The following SLC24A3 variants were observed in gnomAD, a reference collection of about 807,000 sequenced individuals.
SLC24A3 encodes the protein sodium/potassium/calcium exchanger 3.
SLC24A3 carries 28 observed loss-of-function variants against 75.8 expected under a neutral mutation model. The ratio of observed to expected loss-of-function variants is 0.37; its 90% confidence interval spans 0.27 to 0.51. The LOEUF (loss-of-function observed/expected upper bound fraction) is 0.51. SLC24A3 is among the 20% of genes least tolerant of loss of function. The pLI is 0.94. For missense variants in SLC24A3, 663 were observed against 847.8 expected (o/e 0.78, Z 2.71); for synonymous variants, 372 against 334.1 (o/e 1.11, Z -1.24).
chr20:19,587,588 A>T (rs2031315892), intron 6 of SLC24A3, among the ~76,000 whole-genome samples: 1 of 152,238 alleles, frequency 6.6e-6, no homozygotes, highest in Non-Finnish European at 1.5e-5. Context: ...TTTCAAGGCC[A>T]TCCAGCTCAG....
In SLC24A3 at chr20:19,562,965, G is replaced by C. The variant is rs576712642; in HGVS notation, c.349-17035G>C. Among the ~76,000 whole-genome samples, 4 of 152,250 alleles carry C rather than the reference G, an allele frequency of 2.6e-5. No homozygotes were observed. In the South Asian group the frequency reaches 8.3e-4, roughly 32 times the overall value. On this transcript the variant is annotated intron_variant, in intron 3 of 16. Coordinates refer to ENST00000328041, the MANE Select transcript of SLC24A3 (RefSeq NM_020689.4). ...AATCTTACTATGGCTTTCAGCAGCT[G>C]GGTGCACAAAGCTAGATTGTAGGGT...
At chr20:19,698,262 G>C (rs1259272533) in intron 14 of SLC24A3, among the ~76,000 whole-genome samples, 1 of 152,160 alleles carries the variant, frequency 6.6e-6, no homozygotes, top group Non-Finnish European at 1.5e-5. Flanking sequence ...CCAACACTGG[G>C]GACTACAATC....
At chr20:19,417,262 T>C (rs1050376551) in intron 2 of SLC24A3, among the ~76,000 whole-genome samples, 1 of 152,198 alleles carries the variant, frequency 6.6e-6, no homozygotes, top group African/African-American at 2.4e-5. Context: ...TTTGCAGTAG[T>C]GTAGAAAATA....
At chr20:19,717,683 G>C in intron 16 of SLC24A3, 90 bp downstream of exon 16, 1 of 1,448,592 alleles carries the variant, frequency 6.9e-7, no homozygotes, top group East Asian at 2.3e-5. Flanking sequence ...TGGTCTCCTG[G>C]TGACTGGGTA....
chr20:19,290,262 G>A (rs771510992), intron 2 of SLC24A3, among the ~76,000 whole-genome samples: 5 of 152,124 alleles, frequency 3.3e-5, no homozygotes, highest in Middle Eastern at 3.2e-3. Context: ...TCCACCCCAG[G>A]CCAGGAAAAT....
At chr20:19,491,081 C>T (rs752423246) in intron 2 of SLC24A3, among the ~76,000 whole-genome samples, 1 of 152,304 alleles carries the variant, frequency 6.6e-6, no homozygotes, top group African/African-American at 2.4e-5. Flanking sequence ...TGGCAACAAC[C>T]ATTTGAAGCA....
At chr20:19,716,679 C>T (rs1209312455) in intron 15 of SLC24A3, among the ~76,000 whole-genome samples, 2 of 151,854 alleles carry the variant, frequency 1.3e-5, no homozygotes, top group African/African-American at 2.4e-5. Flanking sequence ...TCCAGGAGTT[C>T]AAGACCAGCC....
intron 1 of SLC24A3, among the ~76,000 whole-genome samples, chr20:19,253,208 G>T (rs1982714561): frequency 6.6e-6 from 1 of 152,188 alleles, no homozygotes; most frequent in Admixed American, 6.5e-5. Context: ...CTAGGGGTTT[G>T]TTGGGATGTC....
chr20:19,458,419 G>A (rs1010057875), intron 2 of SLC24A3, among the ~76,000 whole-genome samples: 1 of 152,180 alleles, frequency 6.6e-6, no homozygotes, highest in Non-Finnish European at 1.5e-5. Context: ...CAGTTCAGCT[G>A]CATTGAGTAC....
chr20:19,443,468 T>G (rs1987328507), intron 2 of SLC24A3, among the ~76,000 whole-genome samples: 1 of 152,230 alleles, frequency 6.6e-6, no homozygotes, highest in Non-Finnish European at 1.5e-5. Context: ...CTTTCATATT[T>G]CAATCACTCA....
At chr20:19,330,965 C>G (rs1666328839) in intron 2 of SLC24A3, among the ~76,000 whole-genome samples, 1 of 152,154 alleles carries the variant, frequency 6.6e-6, no homozygotes, top group African/African-American at 2.4e-5. Context: ...GAAAAACCCC[C>G]AATGAGGAAC....
At chr20:19,233,778 A>G (rs141909582) in intron 1 of SLC24A3, among the ~76,000 whole-genome samples, 11 of 152,244 alleles carry the variant, frequency 7.2e-5, no homozygotes, top group African/African-American at 2.2e-4. Flanking sequence ...GGCATTGCCT[A>G]GAACAGGAGT....
chr20:19,655,813 T>G (rs2032259304), intron 7 of SLC24A3, among the ~76,000 whole-genome samples: 1 of 152,224 alleles, frequency 6.6e-6, no homozygotes. Context: ...GGGCTTAAAC[T>G]TGCACCACAC....
intron 2 of SLC24A3, among the ~76,000 whole-genome samples, chr20:19,364,776 T>G (rs1348722293): frequency 1.3e-5 from 2 of 152,060 alleles, no homozygotes; most frequent in Non-Finnish European, 2.9e-5. Context: ...ACTTTCAAAG[T>G]TCACCTTGCC....
chr20:19,421,509 G>T (rs1429283750), intron 2 of SLC24A3, among the ~76,000 whole-genome samples: 1 of 152,224 alleles, frequency 6.6e-6, no homozygotes, highest in Admixed American at 6.5e-5. Flanking sequence ...TTCTTCAACA[G>T]CTGAGCCTGA....
intron 2 of SLC24A3, among the ~76,000 whole-genome samples, chr20:19,293,655 CAAAAAA>C (rs760339037): frequency 1.7e-5 from 1 of 57,798 alleles, no homozygotes; most frequent in Admixed American, 1.6e-4. Context: ...AACTTCGTCT[CAAAAAA>C]AAAAAAAAAA....
At chr20:19,621,254 A>G (rs1016577314) in intron 6 of SLC24A3, among the ~76,000 whole-genome samples, 2 of 152,158 alleles carry the variant, frequency 1.3e-5, no homozygotes, top group Non-Finnish European at 2.9e-5. Context: ...GGATCTCCAG[A>G]GACTGACATT....
At chr20:19,502,283 T>C (rs184765792) in intron 2 of SLC24A3, among the ~76,000 whole-genome samples, 2 of 152,202 alleles carry the variant, frequency 1.3e-5, no homozygotes, top group East Asian at 3.9e-4. Flanking sequence ...AGCCCTATAA[T>C]AGACATATAA....
chr20:19,495,462 A>T (rs978391820), intron 2 of SLC24A3, among the ~76,000 whole-genome samples: 6 of 152,226 alleles, frequency 3.9e-5, no homozygotes, highest in African/African-American at 1.4e-4. Context: ...AGCTGGTCAG[A>T]CATGAACGCC....
Sources: allele counts gnomAD v4.1 joint callset (sites outside exome capture counted in the v4.1 genomes callset), GRCh38; gene constraint gnomAD v4.1.1; transcripts MANE v1.5; gene names NCBI Gene and HGNC (gene_info 2026-07-23, HGNC 2026-07-21).